Variants in CSMD1 observed in about 807,000 individuals in gnomAD.
CSMD1 encodes the protein CUB and Sushi multiple domains 1.
In CSMD1, 213 loss-of-function variants were observed where a neutral mutation model predicts 417.5. That is an observed-to-expected ratio of 0.51 (90% CI 0.46 to 0.57). The LOEUF is 0.57. Among genes scored for constraint, CSMD1 ranks in the 20% least tolerant of loss-of-function variants. The pLI is 0.00. For missense variants in CSMD1, 6,923 were observed against 4,529.7 expected (o/e 1.53, Z -15.17); for synonymous variants, 2,862 against 1,736.8 (o/e 1.65, Z -16.11).
intron 1 of CSMD1, among the ~76,000 whole-genome samples, chr8:4,755,102 C>T (rs879924953): frequency 9.8e-5 from 15 of 152,302 alleles, no homozygotes; most frequent in African/African-American, 3.4e-4. Context: ...GGTGCCACTG[C>T]ACTCCAGCCT....
chr8:4,586,791 A>G (rs1799722142), intron 2 of CSMD1, among the ~76,000 whole-genome samples: 1 of 152,200 alleles, frequency 6.6e-6, no homozygotes, highest in Non-Finnish European at 1.5e-5. Context: ...CTCCAGGATG[A>G]TACTGGGCTG....
intron 63 of CSMD1, among the ~76,000 whole-genome samples, chr8:2,956,737 T>C (rs1248185853): frequency 1.3e-5 from 2 of 152,204 alleles, no homozygotes; most frequent in African/African-American, 4.8e-5. Flanking sequence ...ATTATAGGCA[T>C]GAGCCAGCAT....
At chr8:3,165,636 G>T (rs978953857) in intron 37 of CSMD1, among the ~76,000 whole-genome samples, 6 of 151,948 alleles carry the variant, frequency 3.9e-5, no homozygotes, top group African/African-American at 1.5e-4. Context: ...GTTTCACCAT[G>T]TTAGCCAGGG....
At chr8:3,778,820 G>C (rs1799027474) in intron 5 of CSMD1, among the ~76,000 whole-genome samples, 1 of 152,284 alleles carries the variant, frequency 6.6e-6, no homozygotes, top group Non-Finnish European at 1.5e-5. Flanking sequence ...CCTGACTGCT[G>C]TACAAGTTTA....
At chr8:4,144,837 A>G (rs1043155590) in intron 3 of CSMD1, among the ~76,000 whole-genome samples, 2 of 151,080 alleles carry the variant, frequency 1.3e-5, no homozygotes, top group Non-Finnish European at 2.9e-5. Context: ...ATCATTCACA[A>G]TGCAGGGAAC....
chr8:4,263,520 C>G (rs1438595467), intron 3 of CSMD1, among the ~76,000 whole-genome samples: 2 of 152,158 alleles, frequency 1.3e-5, no homozygotes, highest in Non-Finnish European at 2.9e-5. Flanking sequence ...ATTTACTTCT[C>G]TGGCACTTGA....
intron 3 of CSMD1, among the ~76,000 whole-genome samples, chr8:4,294,344 C>G (rs1797547363): frequency 6.6e-6 from 1 of 152,088 alleles, no homozygotes; most frequent in African/African-American, 2.4e-5. Context: ...CAAAATAAAC[C>G]CAAGATTCTA....
chr8:3,205,742 G>A (rs1161274597), intron 30 of CSMD1, 122 bp from the exon 31 acceptor site: 6 of 488,118 alleles, frequency 1.2e-5, no homozygotes, highest in Non-Finnish European at 2.2e-5. Context: ...AAAATAAGAA[G>A]TTAAAATCTT....
rs568010035 is a variant in CSMD1, at chr8:4,215,562, G to C, written c.416-183463C>G. Among the ~76,000 whole-genome samples the C allele has an allele frequency of 2.8e-4, 43 of 151,824 alleles. 1 individual carries two copies. In the South Asian group the frequency reaches 8.7e-3, roughly 31 times the overall value. On this transcript the variant is annotated intron_variant, in intron 3 of 69. Coordinates refer to ENST00000635120, the MANE Select transcript of CSMD1 (RefSeq NM_033225.6). The stretch of plus-strand genomic sequence containing the variant: ...CCTTTACATTGTTCTGATAATCATA[G>C]ATCAGGCATTTTTTCCCTAAAATTT...
At chr8:4,710,098 GAA>G (rs1351640635) in intron 1 of CSMD1, among the ~76,000 whole-genome samples, 1 of 152,062 alleles carries the variant, frequency 6.6e-6, no homozygotes, top group African/African-American at 2.4e-5. Flanking sequence ...ATCGCCCAAG[GAA>G]AAGCAAGTTC....
intron 2 of CSMD1, among the ~76,000 whole-genome samples, chr8:4,440,824 CCT>C (rs932571346): frequency 3.3e-5 from 5 of 151,824 alleles, no homozygotes; most frequent in African/African-American, 1.2e-4. Flanking sequence ...GCTCAAACCT[CCT>C]CTCTACTGAA....
At chr8:4,687,887 G>C (rs1358627662) in intron 1 of CSMD1, among the ~76,000 whole-genome samples, 1 of 151,960 alleles carries the variant, frequency 6.6e-6, no homozygotes, top group Non-Finnish European at 1.5e-5. Flanking sequence ...CCTGTGTCAG[G>C]AGCCAATCTG....
At chr8:3,712,114 C>G (rs1211126171) in intron 6 of CSMD1, among the ~76,000 whole-genome samples, 1 of 152,024 alleles carries the variant, frequency 6.6e-6, no homozygotes, top group South Asian at 2.1e-4. Context: ...CAGTGTTATA[C>G]TGATGTAGAC....
intron 20 of CSMD1, among the ~76,000 whole-genome samples, chr8:3,362,966 C>G (rs1320282675): frequency 1.3e-5 from 2 of 152,166 alleles, no homozygotes; most frequent in Non-Finnish European, 2.9e-5. Flanking sequence ...TCTTCAAATC[C>G]ATCCAATGGC....
chr8:4,891,952 C>T (rs1804152534), intron 1 of CSMD1, among the ~76,000 whole-genome samples: 1 of 151,932 alleles, frequency 6.6e-6, no homozygotes. Context: ...AAGAAGATGG[C>T]CTTTACAGAC....
chr8:4,993,176 T>C (rs1184064903), intron 1 of CSMD1, among the ~76,000 whole-genome samples: 1 of 151,874 alleles, frequency 6.6e-6, no homozygotes, highest in Admixed American at 6.6e-5. Context: ...GGAAATATTA[T>C]GTAGGGAAAA....
At chr8:3,271,568 C>A (rs1260585551) in intron 26 of CSMD1, among the ~76,000 whole-genome samples, 1 of 151,640 alleles carries the variant, frequency 6.6e-6, no homozygotes, top group Non-Finnish European at 1.5e-5. Flanking sequence ...GTTCCTATTT[C>A]TCCACATCCT....
Position 4,107,469 on chromosome 8 carries a change from A to C in CSMD1, c.416-75370T>G, listed in dbSNP as rs11775684. 3.0e-3 allele frequency among the ~76,000 whole-genome samples: 455 copies of C among 152,358 alleles called. 5 individuals are homozygous for C. Among genetic ancestry groups the C allele is most frequent in the African/African-American group, 0.01 (427 of 41,596 alleles). On this transcript the variant is annotated intron_variant, in intron 3 of 69. Coordinates refer to ENST00000635120, the MANE Select transcript of CSMD1 (RefSeq NM_033225.6). ...TTGTTTAAAGCACTGGATAATGATT[A>C]CAAGTGAAACGGATATTTCAAACAC...
At chr8:3,729,233 TCCCTG>T (rs1275087820) in intron 6 of CSMD1, among the ~76,000 whole-genome samples, 1 of 152,144 alleles carries the variant, frequency 6.6e-6, no homozygotes, top group East Asian at 1.9e-4. Flanking sequence ...GGCACACTCT[TCCCTG>T]CCTTTTTAAT....
Sources: allele counts gnomAD v4.1 joint callset (sites outside exome capture counted in the v4.1 genomes callset), GRCh38; gene constraint gnomAD v4.1.1; transcripts MANE v1.5; gene names NCBI Gene and HGNC (gene_info 2026-07-23, HGNC 2026-07-21).